The following FGGY variants were observed in gnomAD, a reference collection of about 807,000 sequenced individuals.
The protein encoded by FGGY is FGGY carbohydrate kinase domain containing, also known as FGGY carbohydrate kinase domain-containing protein.
In FGGY, 72 loss-of-function variants were observed where a neutral mutation model predicts 71.3. That is an observed-to-expected ratio of 1.01 (90% confidence interval 0.84 to 1.23). The LOEUF (loss-of-function observed/expected upper bound fraction) is 1.23. FGGY is among the 50% of genes most tolerant of loss of function. FGGY has a pLI of 0.00. For missense variants in FGGY, 668 were observed against 682.3 expected (o/e 0.98, Z 0.23); for synonymous variants, 251 against 250.3 (o/e 1.00, Z -0.02).
chr1:59,673,995 C>T, intron 13 of FGGY, 44 bp from the exon 14 acceptor site: 1 of 1,578,410 alleles, frequency 6.3e-7, no homozygotes, highest in Non-Finnish European at 8.7e-7. Flanking sequence ...CTCACACTCC[C>T]CTGGCTCTGC....
intron 5 of FGGY, among the ~76,000 whole-genome samples, chr1:59,454,343 A>T (rs2091476095): frequency 6.6e-6 from 1 of 152,210 alleles, no homozygotes; most frequent in Admixed American, 6.5e-5. Flanking sequence ...TTCAGATGTC[A>T]TATGCCAGGA....
At chr1:59,749,463 A>G (rs2098227140) in intron 14 of FGGY, among the ~76,000 whole-genome samples, 2 of 152,266 alleles carry the variant, frequency 1.3e-5, no homozygotes, top group South Asian at 2.1e-4. Flanking sequence ...AAGTCATGCA[A>G]TTGGTGGCAG....
chr1:59,710,036 C>T (rs2097783159), intron 14 of FGGY, among the ~76,000 whole-genome samples: 1 of 152,152 alleles, frequency 6.6e-6, no homozygotes, highest in Non-Finnish European at 1.5e-5. Context: ...AACATGCCCC[C>T]ACCCCTAGCC....
chr1:59,455,781 T>C (rs2091628431), intron 5 of FGGY, among the ~76,000 whole-genome samples: 1 of 152,186 alleles, frequency 6.6e-6, no homozygotes, highest in Non-Finnish European at 1.5e-5. Context: ...AGAACTGGAA[T>C]CTCAGCCTAG....
At chr1:59,375,046 C>T (rs1431786383) in intron 4 of FGGY, among the ~76,000 whole-genome samples, 2 of 150,750 alleles carry the variant, frequency 1.3e-5, no homozygotes, top group Non-Finnish European at 3.0e-5. Context: ...GCACATGTAC[C>T]CTAAAACTTA....
At chr1:59,398,987 A>G (rs2061630874) in intron 5 of FGGY, among the ~76,000 whole-genome samples, 1 of 152,160 alleles carries the variant, frequency 6.6e-6, no homozygotes, top group Admixed American at 6.5e-5. Context: ...TGGTGATGGT[A>G]TTTATTAGAA....
At chr1:59,490,092 C>T (rs902357063) in intron 6 of FGGY, among the ~76,000 whole-genome samples, 9 of 151,964 alleles carry the variant, frequency 5.9e-5, no homozygotes, top group African/African-American at 2.2e-4. Flanking sequence ...ACTGTGTTGC[C>T]TAGACTGTAG....
intron 6 of FGGY, among the ~76,000 whole-genome samples, chr1:59,500,793 G>T (rs1401747963): frequency 6.6e-6 from 1 of 151,530 alleles, no homozygotes; most frequent in African/African-American, 2.4e-5. Context: ...AATAGAAGAA[G>T]AAATAATATG....
rs776974816 is a variant in FGGY, at chr1:59,340,030, T to C, written c.274T>C (p.Leu92=). ...TGATGCCACGTGTTCTCTGGTTGTT[T>C]TGGATAAGCAGTTTCACCCATTACC... The part of the protein sequence containing the change: ...GFDATCSLVV[L]DKQFHPLPVN... Residue 92 remains leucine, a synonymous_variant, in exon 3 of 16, where the codon TTG becomes CTG. Coordinates refer to ENST00000303721, the MANE Select transcript of FGGY (RefSeq NM_018291.5). 20 of 1,613,288 alleles carry C rather than the reference T, an allele frequency of 1.2e-5. No homozygotes were observed. The African/African-American group carries it at 1.7e-4, about 14-fold the overall frequency.
intron 14 of FGGY, among the ~76,000 whole-genome samples, chr1:59,685,903 A>G (rs960483730): frequency 1.3e-5 from 2 of 152,234 alleles, no homozygotes; most frequent in Non-Finnish European, 2.9e-5. Flanking sequence ...ACCAAGGCAA[A>G]ACTGGGAAAA....
chr1:59,397,753 G>A (rs1340668687), intron 5 of FGGY, among the ~76,000 whole-genome samples: 1 of 152,118 alleles, frequency 6.6e-6, no homozygotes, highest in Non-Finnish European at 1.5e-5. Flanking sequence ...GTTTAAAAAA[G>A]GTCTCAGCTT....
chr1:59,622,953 A>G (rs2096824212), intron 9 of FGGY, among the ~76,000 whole-genome samples: 1 of 152,178 alleles, frequency 6.6e-6, no homozygotes, highest in South Asian at 2.1e-4. Context: ...TGTTATCAAA[A>G]TGTGTCTCAT....
At chr1:59,347,403 A>T (rs1332714742) in intron 4 of FGGY, among the ~76,000 whole-genome samples, 3 of 151,976 alleles carry the variant, frequency 2.0e-5, no homozygotes, top group African/African-American at 7.3e-5. Flanking sequence ...AGCTTCATGC[A>T]TGTCCCTACA....
chr1:59,727,553 A>G (rs1007454240), intron 14 of FGGY, among the ~76,000 whole-genome samples: 3 of 152,200 alleles, frequency 2.0e-5, no homozygotes, highest in Non-Finnish European at 4.4e-5. Context: ...AAGAAATTGG[A>G]GATGATACAA....
At chr1:59,749,280 G>T (rs538538839) in intron 14 of FGGY, among the ~76,000 whole-genome samples, 1 of 152,194 alleles carries the variant, frequency 6.6e-6, no homozygotes. Flanking sequence ...GCCTTGGGGG[G>T]TGGAGTTTGT....
chr1:59,700,695 T>C (rs1370007648), intron 14 of FGGY, among the ~76,000 whole-genome samples: 3 of 152,152 alleles, frequency 2.0e-5, no homozygotes, highest in Admixed American at 6.5e-5. Context: ...TTACATTCAG[T>C]TGGGAAGATC....
intron 11 of FGGY, among the ~76,000 whole-genome samples, chr1:59,643,957 G>T (rs907026283): frequency 1.3e-5 from 2 of 152,152 alleles, no homozygotes; most frequent in Middle Eastern, 3.2e-3. Context: ...TTTGCAAAAC[G>T]CATGGAGGAC....
chr1:59,408,226 G>A (rs1257708194), intron 5 of FGGY, among the ~76,000 whole-genome samples: 1 of 152,200 alleles, frequency 6.6e-6, no homozygotes, highest in East Asian at 1.9e-4. Context: ...ATAAATAGCA[G>A]ATAGCACAAT....
At chr1:59,699,453 G>T (rs1441516535) in intron 14 of FGGY, 1 of 953,830 alleles carries the variant, frequency 1.0e-6, no homozygotes, top group South Asian at 4.8e-5. Flanking sequence ...AGAGAACATT[G>T]CATGGGCTGC....
Sources: gnomAD v4.1 joint callset for allele counts (sites outside exome capture counted in the v4.1 genomes callset) on GRCh38, gnomAD v4.1.1 for gene constraint, MANE v1.5 for transcripts, NCBI Gene and HGNC (gene_info 2026-07-23, HGNC 2026-07-21) for gene names.